The following DUSP10 variants were observed in gnomAD, a reference collection of about 807,000 sequenced individuals.
The protein encoded by DUSP10 is dual specificity phosphatase 10, also known as dual specificity protein phosphatase 10.
Under a neutral mutation model 30.8 loss-of-function variants are expected in DUSP10, and 14 were observed. That is an observed-to-expected ratio of 0.46 (90% CI 0.30 to 0.71). The LOEUF is 0.71. Ranked by LOEUF, DUSP10 falls within the 30% of genes least tolerant of loss-of-function variation. The pLI is 0.08. For missense variants in DUSP10, 550 were observed against 619.4 expected (o/e 0.89, Z 1.19); for synonymous variants, 254 against 250.4 (o/e 1.01, Z -0.14).
Position 221,702,413 on chromosome 1 carries a change from C to G in DUSP10, c.1448G>C (p.Ter483SerextTer16), listed in dbSNP as rs1173504477. 6.2e-7 allele frequency: 1 copy of G among 1,613,538 alleles called. No individual in the cohort carries two copies. Among genetic ancestry groups the G allele is most frequent in the Non-Finnish European group, 8.5e-7 (1 of 1,179,806 alleles). Residue 483 changes from the stop codon to serine (S), a stop_lost, in exon 4 of 4, where the codon TGA (stop) becomes TCA (serine). Coordinates refer to ENST00000366899, the MANE Select transcript of DUSP10 (RefSeq NM_007207.6). The surrounding 1 kb of genome is among the most constrained non-coding windows in gnomAD (Gnocchi z 4.5). ...CAATCCTTTCCATCCAGACCATTGT[C>G]ACACAACCGTCTCCACGCCCATCAG... ...PKLMGVETVV* is the reference protein window; with the variant it reads ...PKLMGVETVVS
chr1:221,733,668 A>G (rs1571831028), intron 2 of DUSP10, among the ~76,000 whole-genome samples: 1 of 152,340 alleles, frequency 6.6e-6, no homozygotes, highest in East Asian at 1.9e-4. Flanking sequence ...GGTACTTTGT[A>G]TCACCTTGTT....
At chr1:221,715,950 A>T (rs1483343816) in intron 2 of DUSP10, among the ~76,000 whole-genome samples, 1 of 127,852 alleles carries the variant, frequency 7.8e-6, no homozygotes, top group Non-Finnish European at 1.7e-5. Context: ...TCTCTCCCTC[A>T]CCTCTCCTCC....
At position 221,739,617 on chromosome 1, in the gene DUSP10, G is replaced by A. The variant is rs148146409; in HGVS notation, c.128C>T (p.Pro43Leu). ...CACAACGGTGGTGGCGATGACAGGA[G>A]GGTGGCTGTTACTGCCTGGGTTGGC... ...GSANPGSNSHPPVIATTVVSL... is the reference protein window; with the variant it reads ...GSANPGSNSHLPVIATTVVSL... The change falls in exon 2 of 4, where the codon CCT becomes CTT. Residue 43 changes from proline (P) to leucine (L), a missense_variant. Physicochemically the swap from Pro to Leu is moderately conservative, Grantham distance 98. Coordinates refer to ENST00000366899, the MANE Select transcript of DUSP10 (RefSeq NM_007207.6). 3 of 1,614,056 alleles carry A rather than the reference G, an allele frequency of 1.9e-6. No homozygotes were observed. Among genetic ancestry groups the A allele is most frequent in the East Asian group, 4.5e-5 (2 of 44,888 alleles).
chr1:221,720,451 A>G (rs1661249790), intron 2 of DUSP10, among the ~76,000 whole-genome samples: 1 of 152,188 alleles, frequency 6.6e-6, no homozygotes, highest in African/African-American at 2.4e-5. Context: ...ATCTTTTATA[A>G]TAAATGTGTA....
chr1:221,717,697 A>G (rs201251480), intron 2 of DUSP10, among the ~76,000 whole-genome samples: 1 of 152,128 alleles, frequency 6.6e-6, no homozygotes, highest in East Asian at 1.9e-4. Context: ...TAGTACCTTT[A>G]TAAGAAGAGA....
intron 3 of DUSP10, among the ~76,000 whole-genome samples, chr1:221,705,217 C>T (rs1660720718): frequency 6.6e-6 from 1 of 150,940 alleles, no homozygotes; most frequent in South Asian, 2.1e-4. Context: ...TCAAGCGATT[C>T]TCCTGCCTCA....
chr1:221,706,349 G>A lies in DUSP10; in HGVS notation c.929C>T (p.Pro310Leu). The A allele has an allele frequency of 6.2e-7, 1 of 1,608,510 alleles. No individual in the cohort carries two copies. Among genetic ancestry groups the A allele is most frequent in the South Asian group, 1.1e-5 (1 of 90,908 alleles). Reference protein sequence around the residue: ...ASAASSLLPQPIPTTPDIENA... With the variant: ...ASAASSLLPQLIPTTPDIENA... ...CTCGATGTCAGGGGTGGTGGGGATGGGCTGAGGTAGCAAGCTCGAGGCCGC... is the reference window on the plus strand; with the variant it reads ...CTCGATGTCAGGGGTGGTGGGGATGAGCTGAGGTAGCAAGCTCGAGGCCGC... The change falls in exon 3 of 4, where the codon CCC (proline) becomes CTC (leucine). Residue 310 changes from proline (P) to leucine (L), a missense_variant. Physicochemically the swap from Pro to Leu is moderately conservative, Grantham distance 98. Transcript: ENST00000366899. This position sits in a 1 kb window ranked among gnomAD's most constrained non-coding sequence, Gnocchi z 4.6.
rs1558130314 is a variant in DUSP10, at chr1:221,741,988, A to ATT, written c.-52_-51insAA. 6.6e-6 allele frequency: 1 copy of ATT among 152,302 alleles called. No homozygotes were observed. Among genetic ancestry groups the ATT allele is most frequent in the East Asian group, 1.9e-4 (1 of 5,202 alleles). 9.4% of individuals were successfully genotyped at this position (152,302 alleles called of 1,614,324 possible). The stretch of plus-strand genomic sequence containing the variant: ...GCGGTGACTTCCACTTACTTCATAA[A>ATT]TAAGTGTATTCCTCCACCATCTGGC... On this transcript the variant is annotated 5_prime_UTR_variant, in exon 1 of 4. It introduces an in-frame stop codon into an upstream open reading frame of the 5' UTR. Coordinates refer to ENST00000366899, the MANE Select transcript of DUSP10 (RefSeq NM_007207.6).
At position 221,739,216 on chromosome 1, in the gene DUSP10, A is replaced by C; in HGVS notation, c.529T>G (p.Cys177Gly). Residue 177 changes from cysteine to glycine, a missense_variant, in exon 2 of 4, where the codon TGC becomes GGC. Cys to Gly is a radical substitution (Grantham distance 159). Transcript: ENST00000366899. Reference sequence around the variant, plus strand: ...TTGTTGTACTCCATGAAGGGCCTGCAGTCAATGATGACAGGGCCCTGACTC... The same window carrying C: ...TTGTTGTACTCCATGAAGGGCCTGCCGTCAATGATGACAGGGCCCTGACTC... ...LPSQGPVIID[C>G]RPFMEYNKSH... is the part of the protein sequence containing the mutation. The C allele has an allele frequency of 1.2e-6, 2 of 1,614,212 alleles. No individual in the cohort carries two copies. Among genetic ancestry groups the C allele is most frequent in the Non-Finnish European group, 1.7e-6 (2 of 1,180,038 alleles).
intron 2 of DUSP10, chr1:221,737,269 G>T (rs541629930): frequency 1.0e-6 from 1 of 985,288 alleles, no homozygotes; most frequent in East Asian, 1.1e-4. Flanking sequence ...ATGAACACCT[G>T]CTCTGCGTGA....
intron 2 of DUSP10, among the ~76,000 whole-genome samples, chr1:221,714,002 T>C (rs921145658): frequency 2.6e-5 from 4 of 152,226 alleles, no homozygotes; most frequent in Non-Finnish European, 5.9e-5. Context: ...CTTCCAATAA[T>C]AAAAGTTGTT....
chr1:221,733,248 G>C (rs1661668868), intron 2 of DUSP10, among the ~76,000 whole-genome samples: 1 of 152,230 alleles, frequency 6.6e-6, no homozygotes, highest in Non-Finnish European at 1.5e-5. Context: ...CAGACCTTCA[G>C]ATGGGTTTGC....
intron 2 of DUSP10, among the ~76,000 whole-genome samples, chr1:221,716,816 G>A (rs1328341221): frequency 6.6e-6 from 1 of 152,178 alleles, no homozygotes; most frequent in Non-Finnish European, 1.5e-5. Context: ...CAGACCAACT[G>A]GTTCCCAGGG....
At position 221,722,966 on chromosome 1, in the gene DUSP10, G is replaced by T. The variant is rs529768038; in HGVS notation, c.811+15968C>A. 6.0e-5 allele frequency among the ~76,000 whole-genome samples: 9 copies of T among 149,748 alleles called. No homozygotes were observed. The East Asian group carries it at 2.0e-3, about 33-fold the overall frequency. ...AAATGTAATAGGACATACCACAAAA[G>T]CGTAATTCCAGACAAGGCAAATGAT... On this transcript the variant is annotated intron_variant, in intron 2 of 3. Transcript: ENST00000366899.
intron 1 of DUSP10, among the ~76,000 whole-genome samples, chr1:221,740,376 C>A (rs1277432846): frequency 6.6e-6 from 1 of 152,244 alleles, no homozygotes; most frequent in African/African-American, 2.4e-5. Flanking sequence ...TCTTGCCTTC[C>A]ATTCTCTATT....
chr1:221,724,605 C>T lies in DUSP10; in HGVS notation c.811+14329G>A, dbSNP rs116484714. Reference sequence around the variant, plus strand: ...CTTGCAGCAAGGCTACTATATTGGACGCTGCAGATAGATTTAATACTATTG... The same window carrying T: ...CTTGCAGCAAGGCTACTATATTGGATGCTGCAGATAGATTTAATACTATTG... On this transcript the variant is annotated intron_variant, in intron 2 of 3. Coordinates refer to ENST00000366899, the MANE Select transcript of DUSP10 (RefSeq NM_007207.6). Among the ~76,000 whole-genome samples, 418 of 152,292 alleles carry T rather than the reference C, an allele frequency of 2.7e-3. 3 individuals are homozygous for T. Among genetic ancestry groups the T allele is most frequent in the African/African-American group, 8.7e-3 (362 of 41,544 alleles).
chr1:221,708,964 G>A (rs1210067494), intron 2 of DUSP10, among the ~76,000 whole-genome samples: 2 of 150,868 alleles, frequency 1.3e-5, no homozygotes, highest in Non-Finnish European at 2.9e-5. Context: ...TCTTATTTAG[G>A]GTACTCAAGC....
At chr1:221,738,791 A>G in intron 2 of DUSP10, 143 bp downstream of exon 2, 1 of 1,113,626 alleles carries the variant, frequency 9.0e-7, no homozygotes, top group Non-Finnish European at 1.3e-6. Context: ...CCAAAACAAT[A>G]AAGAGCATAG....
intron 2 of DUSP10, among the ~76,000 whole-genome samples, chr1:221,720,502 A>G (rs965248946): frequency 5.9e-5 from 9 of 152,208 alleles, no homozygotes; most frequent in African/African-American, 2.2e-4. Context: ...CTAGAAAATT[A>G]ATGGGACTCA....
Sources: gnomAD v4.1 joint callset for allele counts (sites outside exome capture counted in the v4.1 genomes callset) on GRCh38, gnomAD v4.1.1 for gene constraint, Gnocchi (gnomAD v3.1) non-coding constraint, MANE v1.5 for transcripts, NCBI Gene and HGNC (gene_info 2026-07-23, HGNC 2026-07-21) for gene names.